Variants in ATG5 observed in about 807,000 individuals in gnomAD.
ATG5 encodes autophagy protein 5.
A neutral mutation model predicts 36.5 loss-of-function variants in ATG5; 14 were observed. The observed-to-expected ratio is 0.38, with a 90% CI of 0.25 to 0.60. The LOEUF is 0.60. ATG5 is among the 20% of genes least tolerant of loss of function. The pLI, the probability that ATG5 is intolerant of heterozygous loss-of-function variation, is 0.60. For missense variants in ATG5, 195 were observed against 326.7 expected (o/e 0.60, Z 3.11); for synonymous variants, 95 against 101.5 (o/e 0.94, Z 0.38).
intron 6 of ATG5, among the ~76,000 whole-genome samples, chr6:106,222,014 C>T (rs1336689544): frequency 4.6e-5 from 7 of 152,052 alleles, no homozygotes; most frequent in Non-Finnish European, 1.0e-4. Flanking sequence ...GCCTCAGCCT[C>T]CTGAGTAGCT....
At chr6:106,299,360 T>C (rs1281594063) in intron 3 of ATG5, among the ~76,000 whole-genome samples, 1 of 152,168 alleles carries the variant, frequency 6.6e-6, no homozygotes. Context: ...GTATTATTAT[T>C]AGTTATTGCT....
chr6:106,255,165 C>T (rs538386838), intron 5 of ATG5, among the ~76,000 whole-genome samples: 1 of 152,214 alleles, frequency 6.6e-6, no homozygotes, highest in Non-Finnish European at 1.5e-5. Context: ...GGGCCAACAT[C>T]TGAGGAGTCC....
intron 2 of ATG5, among the ~76,000 whole-genome samples, chr6:106,312,340 G>A (rs1242241697): frequency 6.6e-6 from 1 of 152,098 alleles, no homozygotes; most frequent in Non-Finnish European, 1.5e-5. Flanking sequence ...ATAATGCAGA[G>A]GACCAGATTT....
chr6:106,194,539 CTTT>C (rs1776100072), intron 7 of ATG5, among the ~76,000 whole-genome samples: 1 of 148,778 alleles, frequency 6.7e-6, no homozygotes, highest in Non-Finnish European at 1.5e-5. Flanking sequence ...TTTTCTTTTT[CTTT>C]TTCTTTTTTT....
chr6:106,223,121 C>A (rs1190452696), intron 6 of ATG5, among the ~76,000 whole-genome samples: 1 of 152,098 alleles, frequency 6.6e-6, no homozygotes, highest in Non-Finnish European at 1.5e-5. Context: ...AAATAATTTG[C>A]CATCAGATGA....
At chr6:106,309,075 T>C (rs1315465118) in intron 2 of ATG5, among the ~76,000 whole-genome samples, 1 of 152,150 alleles carries the variant, frequency 6.6e-6, no homozygotes, top group African/African-American at 2.4e-5. Context: ...AATTATGATT[T>C]ATATAAAGAA....
At chr6:106,315,574 T>G (rs1770810064) in intron 2 of ATG5, among the ~76,000 whole-genome samples, 1 of 152,016 alleles carries the variant, frequency 6.6e-6, no homozygotes, top group African/African-American at 2.4e-5. Context: ...ACATATTAGC[T>G]CACATATAAC....
At chr6:106,212,285 T>C (rs1776880580) in intron 6 of ATG5, among the ~76,000 whole-genome samples, 1 of 152,222 alleles carries the variant, frequency 6.6e-6, no homozygotes, top group East Asian at 1.9e-4. Flanking sequence ...ATAACTCTAA[T>C]AAAACACAAC....
intron 4 of ATG5, among the ~76,000 whole-genome samples, chr6:106,290,522 G>A (rs922185361): frequency 3.3e-5 from 5 of 151,898 alleles, no homozygotes; most frequent in African/African-American, 1.2e-4. Flanking sequence ...GGTCTACGTT[G>A]CCCAGGCTGG....
At chr6:106,214,834 C>T (rs757323584) in intron 6 of ATG5, among the ~76,000 whole-genome samples, 1 of 151,984 alleles carries the variant, frequency 6.6e-6, no homozygotes, top group Non-Finnish European at 1.5e-5. Context: ...AATGGTATTG[C>T]TTTTAAATTT....
At chr6:106,231,674 A>C (rs1582583941) in intron 6 of ATG5, among the ~76,000 whole-genome samples, 1 of 152,308 alleles carries the variant, frequency 6.6e-6, no homozygotes, top group South Asian at 2.1e-4. Flanking sequence ...AAGGCCAACT[A>C]ATCTTAAAGG....
intron 4 of ATG5, among the ~76,000 whole-genome samples, chr6:106,282,880 G>C (rs768343714): frequency 2.0e-5 from 3 of 151,858 alleles, no homozygotes; most frequent in Non-Finnish European, 2.9e-5. Flanking sequence ...TCAACCTCTG[G>C]GGCCCAAGCG....
intron 6 of ATG5, among the ~76,000 whole-genome samples, chr6:106,237,152 C>A (rs769670482): frequency 2.6e-5 from 4 of 152,018 alleles, no homozygotes; most frequent in Middle Eastern, 3.2e-3. Context: ...AAGATTCCAA[C>A]TAATTTTAAA....
At chr6:106,302,297 C>T (rs1370881616) in intron 3 of ATG5, among the ~76,000 whole-genome samples, 1 of 152,016 alleles carries the variant, frequency 6.6e-6, no homozygotes, top group African/African-American at 2.4e-5. Flanking sequence ...AAACAAGTAG[C>T]TTAGTACACC....
chr6:106,314,027 T>C (rs1770751141), intron 2 of ATG5, among the ~76,000 whole-genome samples: 1 of 152,166 alleles, frequency 6.6e-6, no homozygotes, highest in African/African-American at 2.4e-5. Context: ...GGTGAAGAAT[T>C]AGGAAGAATT....
chr6:106,298,777 T>G (rs918110315), intron 3 of ATG5, among the ~76,000 whole-genome samples: 1 of 152,220 alleles, frequency 6.6e-6, no homozygotes, highest in Non-Finnish European at 1.5e-5. Flanking sequence ...CAAACAAATA[T>G]GCTATCTGAA....
intron 5 of ATG5, among the ~76,000 whole-genome samples, chr6:106,256,785 T>C (rs896314853): frequency 6.6e-6 from 1 of 152,000 alleles, no homozygotes; most frequent in Non-Finnish European, 1.5e-5. Context: ...TCTGGGTGAG[T>C]CAACAAGTGA....
At position 106,279,758 on chromosome 6, in the gene ATG5, T is replaced by C. The variant is rs1414023603; in HGVS notation, c.381A>G (p.Ser127=). 6.2e-7 allele frequency: 1 copy of C among 1,607,356 alleles called. No homozygotes were observed. The highest frequency in any genetic ancestry group is 2.2e-5 in the East Asian group (1 of 44,746). ...SKDAIEAHFM[S]CMKEADALKH... ...TTAAAGCATCAGCTTCTTTCATACA[T>C]GACATAAAATGAGCTTCAATTGCAT... Residue 127 remains serine (S), a synonymous_variant, in exon 5 of 8, where the codon TCA becomes TCG. Transcript: ENST00000369076.
chr6:106,203,231 T>C (rs1161600097), intron 6 of ATG5, among the ~76,000 whole-genome samples: 1 of 152,220 alleles, frequency 6.6e-6, no homozygotes, highest in Non-Finnish European at 1.5e-5. Flanking sequence ...AATCTCATTG[T>C]TTTACTCTTA....
Sources: allele counts gnomAD v4.1 joint callset (sites outside exome capture counted in the v4.1 genomes callset), GRCh38; gene constraint gnomAD v4.1.1; transcripts MANE v1.5; gene names NCBI Gene and HGNC (gene_info 2026-07-23, HGNC 2026-07-21).